Variants in PLXNA2 observed in about 807,000 individuals in gnomAD.
The protein encoded by PLXNA2 is plexin A2, also known as plexin-A2.
Under a neutral mutation model 193.5 loss-of-function variants are expected in PLXNA2, and 91 were observed. The observed-to-expected ratio is 0.47, with a 90% confidence interval of 0.40 to 0.56. PLXNA2 has a LOEUF of 0.56. Among genes scored for constraint, PLXNA2 ranks in the 20% least tolerant of loss-of-function variants. The pLI, the probability that PLXNA2 is intolerant of heterozygous loss-of-function variation, is 0.00. For missense variants in PLXNA2, 1,995 were observed against 2,503.2 expected (o/e 0.80, Z 4.33); for synonymous variants, 997 against 1,027.3 (o/e 0.97, Z 0.56).
chr1:208,203,592 TG>T (rs1341477933), intron 3 of PLXNA2, among the ~76,000 whole-genome samples: 1 of 152,190 alleles, frequency 6.6e-6, no homozygotes, highest in Admixed American at 6.5e-5. Flanking sequence ...TCATCCAACT[TG>T]GCCTTCCATC....
intron 2 of PLXNA2, 144 bp from the exon 3 acceptor site, chr1:208,210,606 G>A (rs546704858): frequency 1.8e-4 from 114 of 647,568 alleles, no homozygotes; most frequent in Non-Finnish European, 2.8e-4. Context: ...AATACAAGCT[G>A]CAGACAAAAA....
chr1:208,107,139 G>C (rs1667294471), intron 4 of PLXNA2, among the ~76,000 whole-genome samples: 1 of 152,184 alleles, frequency 6.6e-6, no homozygotes, highest in Admixed American at 6.5e-5. Flanking sequence ...CTCAGTGTAT[G>C]GTTCTCAAAC....
intron 4 of PLXNA2, among the ~76,000 whole-genome samples, chr1:208,103,661 T>A (rs1328594836): frequency 6.6e-6 from 1 of 152,112 alleles, no homozygotes. Flanking sequence ...CAGAAAACAT[T>A]CAAAAAGGGA....
Position 208,079,326 on chromosome 1 carries a change from G to T in PLXNA2, c.2520C>A (p.Ser840Arg), listed in dbSNP as rs767911738. ...RRCTLHQHCT[S>R]PSSPWLDWSS... Reference sequence around the variant, plus strand: ...ACCAGTCGAGCCAGGGGCTGGAAGGGCTGGTACAGTGCTGGTGGAGGGTGC... The same window carrying T: ...ACCAGTCGAGCCAGGGGCTGGAAGGTCTGGTACAGTGCTGGTGGAGGGTGC... The change falls in exon 12 of 32, where the codon AGC (serine) becomes AGA (arginine). Residue 840 changes from serine to arginine, a missense_variant. By Grantham distance (110) the Ser-to-Arg change is moderately radical. Transcript: ENST00000367033. 1 of 1,613,824 alleles carries T rather than the reference G, an allele frequency of 6.2e-7. No individual in the cohort carries two copies. The highest frequency in any genetic ancestry group is 1.3e-5 in the African/African-American group (1 of 74,912).
intron 17 of PLXNA2, among the ~76,000 whole-genome samples, chr1:208,048,642 G>A (rs935394388): frequency 6.6e-6 from 1 of 152,210 alleles, no homozygotes; most frequent in Non-Finnish European, 1.5e-5. Flanking sequence ...CAGGGGGCTT[G>A]GGACCTGAGT....
chr1:208,103,688 C>T (rs2102418863), intron 4 of PLXNA2, among the ~76,000 whole-genome samples: 1 of 152,324 alleles, frequency 6.6e-6, no homozygotes, highest in East Asian at 1.9e-4. Context: ...AAACTTTTCC[C>T]ATCAAATAAT....
At chr1:208,189,919 C>A (rs1670124862) in intron 3 of PLXNA2, among the ~76,000 whole-genome samples, 1 of 152,146 alleles carries the variant, frequency 6.6e-6, no homozygotes, top group Admixed American at 6.5e-5. Context: ...TTTATGAAGA[C>A]ATTTCAGGAG....
At position 208,029,443 on chromosome 1, in the gene PLXNA2, G is replaced by A. The variant is rs146475708; in HGVS notation, c.5226-401C>T. On this transcript the variant is annotated intron_variant, in intron 29 of 31. Coordinates refer to ENST00000367033, the MANE Select transcript of PLXNA2 (RefSeq NM_025179.4). ...TTCACAGTGCCCGTGGCCATTGTCC[G>A]GAAGAAGGCAGCCAGGAGCCCCAGG... is the stretch of plus-strand genomic sequence containing the variant. The A allele has an allele frequency of 5.5e-5, 56 of 1,014,336 alleles. No individual in the cohort carries two copies. The East Asian group carries it at 3.2e-3, about 59-fold the overall frequency. The allele number at this position is 1,014,336 out of a possible 1,614,324, so 62.8% of individuals were successfully genotyped here.
At chr1:208,145,873 G>A (rs919604976) in intron 3 of PLXNA2, among the ~76,000 whole-genome samples, 2 of 152,170 alleles carry the variant, frequency 1.3e-5, no homozygotes, top group Non-Finnish European at 2.9e-5. Context: ...AATGTTGTTG[G>A]TACTGAACCC....
At chr1:208,182,248 C>A (rs1041168052) in intron 3 of PLXNA2, among the ~76,000 whole-genome samples, 9 of 152,252 alleles carry the variant, frequency 5.9e-5, no homozygotes, top group African/African-American at 1.9e-4. Flanking sequence ...GCCTGACCAC[C>A]ATGGTGAAAC....
chr1:208,140,928 C>A (rs1668439445), intron 4 of PLXNA2, among the ~76,000 whole-genome samples: 1 of 152,062 alleles, frequency 6.6e-6, no homozygotes, highest in South Asian at 2.1e-4. Context: ...AAATATGTGC[C>A]CAGGAATAGT....
intron 9 of PLXNA2, among the ~76,000 whole-genome samples, chr1:208,086,877 A>C (rs1386578315): frequency 6.6e-6 from 1 of 151,882 alleles, no homozygotes; most frequent in Non-Finnish European, 1.5e-5. Flanking sequence ...TTAGCAGCTA[A>C]AATATCTGCA....
chr1:208,040,654 A>C (rs1162203094), intron 22 of PLXNA2, among the ~76,000 whole-genome samples: 1 of 152,064 alleles, frequency 6.6e-6, no homozygotes, highest in Admixed American at 6.5e-5. Context: ...ATAACATCCA[A>C]CCCCAGTGGT....
chr1:208,190,903 G>A (rs1670157860), intron 3 of PLXNA2, among the ~76,000 whole-genome samples: 1 of 152,194 alleles, frequency 6.6e-6, no homozygotes, highest in East Asian at 1.9e-4. Flanking sequence ...TTGGTGGCAG[G>A]AGTACAGTCT....
chr1:208,080,208 T>TA (rs1021109329), intron 11 of PLXNA2, among the ~76,000 whole-genome samples: 3 of 151,708 alleles, frequency 2.0e-5, no homozygotes, highest in African/African-American at 7.3e-5. Context: ...CATTGCTGAT[T>TA]AAAAAAAAGG....
chr1:208,182,716 G>A (rs1669883319), intron 3 of PLXNA2, among the ~76,000 whole-genome samples: 1 of 152,106 alleles, frequency 6.6e-6, no homozygotes, highest in South Asian at 2.1e-4. Flanking sequence ...AGCAAGAAAA[G>A]GGGTTTGAAG....
rs754238798 is a variant in PLXNA2 at position 208,038,955 on chromosome 1, C to G, written c.4530G>C (p.Glu1510Asp). Residue 1510 changes from glutamate (E) to aspartate (D), a missense_variant, in exon 25 of 32, where the codon GAG becomes GAC. By Grantham distance (45) the Glu-to-Asp change is conservative. This residue lies in a region of PLXNA2 where 1,291 missense variants were observed against 1,673.6 expected (regional missense o/e 0.77). Transcript: ENST00000367033. The surrounding 1 kb of genome is among the most constrained non-coding windows in gnomAD (Gnocchi z 4.1). Reference sequence around the variant, plus strand: ...CCTTCACTGGGATCTCTGGACTGTTCTCGTTGTCAGGGTTGACGCAGTTCA... The same window carrying G: ...CCTTCACTGGGATCTCTGGACTGTTGTCGTTGTCAGGGTTGACGCAGTTCA... ...LILNCVNPDNENSPEIPVKVL... is the reference protein window; with the variant it reads ...LILNCVNPDNDNSPEIPVKVL... 1 of 1,614,068 alleles carries G rather than the reference C, an allele frequency of 6.2e-7. No homozygotes were observed. The highest frequency in any genetic ancestry group is 1.7e-5 in the Admixed American group (1 of 60,018).
At chr1:208,090,080 C>T (rs1240278494) in intron 9 of PLXNA2, among the ~76,000 whole-genome samples, 3 of 152,140 alleles carry the variant, frequency 2.0e-5, no homozygotes, top group African/African-American at 4.8e-5. Flanking sequence ...TAGGAAGCCC[C>T]GGAAGTGGCC....
At chr1:208,099,591 G>C (rs1667025834) in intron 5 of PLXNA2, among the ~76,000 whole-genome samples, 1 of 151,994 alleles carries the variant, frequency 6.6e-6, no homozygotes, top group Admixed American at 6.6e-5. Context: ...GTTTTTTTGA[G>C]ACAGAGTCTT....
Sources: allele counts gnomAD v4.1 joint callset (sites outside exome capture counted in the v4.1 genomes callset), GRCh38; gene constraint gnomAD v4.1.1; regional missense constraint gnomAD v4.1.1; non-coding constraint Gnocchi (gnomAD v3.1); transcripts MANE v1.5; gene names NCBI Gene and HGNC (gene_info 2026-07-23, HGNC 2026-07-21).